Variants in EPHB2 observed in about 807,000 individuals in gnomAD.
The protein encoded by EPHB2 is EPH receptor B2.
In EPHB2, 18 loss-of-function variants were observed where a neutral mutation model predicts 96.4. That is an observed-to-expected ratio of 0.19 (90% confidence interval 0.13 to 0.28). EPHB2 has a LOEUF of 0.28. Among genes scored for constraint, EPHB2 ranks in the 10% least tolerant of loss-of-function variants. The probability of loss-of-function intolerance (pLI) is 1.00; values close to 1 mark genes in which losing one functional copy is unlikely to be tolerated. For missense variants in EPHB2, 989 were observed against 1,355.4 expected (o/e 0.73, Z 4.25); for synonymous variants, 506 against 534.1 (o/e 0.95, Z 0.72).
intron 5 of EPHB2, among the ~76,000 whole-genome samples, chr1:22,873,051 T>C (rs963033579): frequency 4.6e-5 from 7 of 152,210 alleles, no homozygotes; most frequent in African/African-American, 1.7e-4. Flanking sequence ...TGGTTTTGGC[T>C]GCATATTCTA....
At chr1:22,829,215 A>G (rs576448538) in intron 3 of EPHB2, among the ~76,000 whole-genome samples, 3 of 152,358 alleles carry the variant, frequency 2.0e-5, no homozygotes, top group Admixed American at 1.3e-4. Flanking sequence ...TAGGAGCCAC[A>G]TGCAGCCCCC....
In EPHB2 at chr1:22,807,528, G is replaced by A. The variant is rs1018341239; in HGVS notation, c.811+22452G>A. ...AGCCCAGCCTCCTAGAAGTCAAAAGGTCAGCTGGTCCAGCTCCCTCCCAGC... is the reference window on the plus strand; with the variant it reads ...AGCCCAGCCTCCTAGAAGTCAAAAGATCAGCTGGTCCAGCTCCCTCCCAGC... On this transcript the variant is annotated intron_variant, in intron 3 of 15. Transcript: ENST00000374630. Among the ~76,000 whole-genome samples, 36 of 152,260 alleles carry A rather than the reference G, an allele frequency of 2.4e-4. 1 individual carries two copies. The highest frequency in any genetic ancestry group is 2.0e-3 in the Admixed American group (31 of 15,300).
chr1:22,786,577 C>A (rs1009811751), intron 3 of EPHB2, among the ~76,000 whole-genome samples: 1 of 152,172 alleles, frequency 6.6e-6, no homozygotes, highest in African/African-American at 2.4e-5. Flanking sequence ...CCCTCGGAGA[C>A]AAGCAAGGCA....
chr1:22,726,401 A>G (rs1355032291), intron 1 of EPHB2, among the ~76,000 whole-genome samples: 2 of 145,196 alleles, frequency 1.4e-5, no homozygotes, highest in Non-Finnish European at 3.1e-5. Context: ...ACCCTGCATA[A>G]TAGTTTCTTT....
intron 6 of EPHB2, chr1:22,891,217 C>G: frequency 2.2e-6 from 1 of 455,990 alleles, no homozygotes; most frequent in Middle Eastern, 3.3e-4. Flanking sequence ...AAGTCTGGCT[C>G]CAGCTTGTGA....
chr1:22,843,350 C>G (rs1645495930), intron 3 of EPHB2, among the ~76,000 whole-genome samples: 1 of 152,020 alleles, frequency 6.6e-6, no homozygotes, highest in Non-Finnish European at 1.5e-5. Flanking sequence ...TGTTTTTTTT[C>G]TCCTAACTTT....
intron 9 of EPHB2, among the ~76,000 whole-genome samples, chr1:22,902,346 C>G (rs536288753): frequency 6.6e-6 from 1 of 152,314 alleles, no homozygotes; most frequent in African/African-American, 2.4e-5. Flanking sequence ...CCCAGTAAAT[C>G]TACGCTGAAT....
At chr1:22,896,043 C>T (rs1639550116) in intron 8 of EPHB2, among the ~76,000 whole-genome samples, 1 of 152,250 alleles carries the variant, frequency 6.6e-6, no homozygotes, top group African/African-American at 2.4e-5. Flanking sequence ...AGTTCCTTGA[C>T]TTCTGCTGGG....
intron 3 of EPHB2, among the ~76,000 whole-genome samples, chr1:22,830,319 C>A (rs1463678494): frequency 6.6e-6 from 1 of 152,170 alleles, no homozygotes; most frequent in Non-Finnish European, 1.5e-5. Flanking sequence ...CCTTCAAGTT[C>A]TTTGCAGTCT....
At chr1:22,768,341 G>T (rs1644333661) in intron 1 of EPHB2, among the ~76,000 whole-genome samples, 1 of 152,236 alleles carries the variant, frequency 6.6e-6, no homozygotes, top group East Asian at 1.9e-4. Context: ...CTTCTTCTGT[G>T]GTCCTCTGCT....
chr1:22,767,552 T>C (rs1431663605), intron 1 of EPHB2, among the ~76,000 whole-genome samples: 2 of 152,198 alleles, frequency 1.3e-5, no homozygotes, highest in Non-Finnish European at 2.9e-5. Flanking sequence ...GCTCAGGTGC[T>C]ATGCTGGGTG....
At chr1:22,742,450 G>A (rs1477137278) in intron 1 of EPHB2, among the ~76,000 whole-genome samples, 5 of 152,106 alleles carry the variant, frequency 3.3e-5, no homozygotes, top group East Asian at 1.9e-4. Context: ...GGGGTGAATC[G>A]ACTAACTGAC....
intron 3 of EPHB2, among the ~76,000 whole-genome samples, chr1:22,853,583 GGAGT>G (rs1645656083): frequency 6.6e-6 from 1 of 152,248 alleles, no homozygotes; most frequent in Non-Finnish European, 1.5e-5. Flanking sequence ...GATTCGGGCT[GGAGT>G]GAGATTTGAA....
intron 12 of EPHB2, 146 bp from the exon 13 acceptor site, chr1:22,908,876 G>A: frequency 1.5e-6 from 2 of 1,290,766 alleles, no homozygotes; most frequent in Non-Finnish European, 2.2e-6. Context: ...CAAATGCCCA[G>A]TGGTCTGAAG....
At position 22,875,585 on chromosome 1, in the gene EPHB2, T is replaced by A. The variant is rs1180222322; in HGVS notation, c.1304-6774T>A. 1.3e-5 allele frequency among the ~76,000 whole-genome samples: 2 copies of A among 152,174 alleles called. No individual in the cohort carries two copies. The highest frequency in any genetic ancestry group is 2.9e-5 in the Non-Finnish European group (2 of 68,026). Reference sequence around the variant, plus strand: ...GCGCCAGAAAAGGGGAGAATCTGTCTGGTCCCCGCTTTTCCCTTTCTCCCT... The same window carrying A: ...GCGCCAGAAAAGGGGAGAATCTGTCAGGTCCCCGCTTTTCCCTTTCTCCCT... On this transcript the variant is annotated intron_variant, in intron 5 of 15. Transcript: ENST00000374630. This position sits in a 1 kb window ranked among gnomAD's most constrained non-coding sequence, Gnocchi z 4.2.
At chr1:22,877,190 T>C (rs1557729447) in intron 5 of EPHB2, among the ~76,000 whole-genome samples, 1 of 152,234 alleles carries the variant, frequency 6.6e-6, no homozygotes, top group Non-Finnish European at 1.5e-5. Context: ...GTGTTGGACC[T>C]GGGTGAGCCT....
intron 1 of EPHB2, among the ~76,000 whole-genome samples, chr1:22,736,792 G>A (rs951911429): frequency 5.3e-5 from 8 of 152,212 alleles, no homozygotes; most frequent in African/African-American, 1.7e-4. Flanking sequence ...TGGGGCGGCC[G>A]CAGGGGGTCA....
intron 3 of EPHB2, among the ~76,000 whole-genome samples, chr1:22,810,692 C>A (rs1333291395): frequency 2.0e-5 from 3 of 152,184 alleles, no homozygotes; most frequent in African/African-American, 7.2e-5. Context: ...CCGACCCCAG[C>A]AGAGCTGCCA....
chr1:22,777,587 T>C (rs1410902450), intron 1 of EPHB2, among the ~76,000 whole-genome samples: 1 of 152,210 alleles, frequency 6.6e-6, no homozygotes, highest in Non-Finnish European at 1.5e-5. Context: ...AGAATTTGAC[T>C]TTTGTGCTTA....
Sources: gnomAD v4.1 joint callset for allele counts (sites outside exome capture counted in the v4.1 genomes callset) on GRCh38, gnomAD v4.1.1 for gene constraint, Gnocchi (gnomAD v3.1) non-coding constraint, MANE v1.5 for transcripts, NCBI Gene and HGNC (gene_info 2026-07-23, HGNC 2026-07-21) for gene names.